Variants in ADGRF5 observed in about 807,000 individuals in gnomAD.
ADGRF5 encodes the protein adhesion G protein-coupled receptor F5.
A neutral mutation model predicts 132.3 loss-of-function variants in ADGRF5; 75 were observed. The observed-to-expected ratio is 0.57, with a 90% confidence interval of 0.47 to 0.69. ADGRF5 has a LOEUF of 0.69. ADGRF5 is among the 30% of genes least tolerant of loss of function. ADGRF5 has a pLI of 0.00. For synonymous variants in ADGRF5, 629 were observed against 597.6 expected (o/e 1.05, Z -0.77); for missense variants, 1,516 against 1,630.6 (o/e 0.93, Z 1.21).
intron 2 of ADGRF5, among the ~76,000 whole-genome samples, chr6:46,901,669 C>T (rs934823017): frequency 1.3e-5 from 2 of 152,152 alleles, no homozygotes; most frequent in Admixed American, 1.3e-4. Context: ...ACCCAGCCAG[C>T]TCCAGAGTCT....
At chr6:46,918,738 A>T (rs977444148) in intron 1 of ADGRF5, among the ~76,000 whole-genome samples, 1 of 152,206 alleles carries the variant, frequency 6.6e-6, no homozygotes, top group Non-Finnish European at 1.5e-5. Context: ...TCTCCTCTTC[A>T]TTCTGATGTG....
At chr6:46,928,730 G>A (rs1777385589) in intron 1 of ADGRF5, among the ~76,000 whole-genome samples, 1 of 152,064 alleles carries the variant, frequency 6.6e-6, no homozygotes, top group South Asian at 2.1e-4. Context: ...TTCTTCCCAA[G>A]GAGGACTAAA....
At chr6:46,869,258 T>C (rs515866) in intron 11 of ADGRF5, 166 bp from the exon 12 acceptor site, 1,389,330 of 1,452,020 alleles carry the variant, frequency 0.96, 666,961 homozygotes, top group East Asian at 1. Flanking sequence ...TTGCTGCTCC[T>C]GGGCTTTACT....
Position 46,882,068 on chromosome 6 carries a change from C to T in ADGRF5, c.652G>A (p.Val218Met), listed in dbSNP as rs768051363. 100 of 1,610,014 alleles carry T rather than the reference C, an allele frequency of 6.2e-5. No homozygotes were observed. The highest frequency in any genetic ancestry group is 7.1e-5 in the Non-Finnish European group (84 of 1,176,516). ...GYGILPGFKGVTVTGFKSGSV... is the reference protein window; with the variant it reads ...GYGILPGFKGMTVTGFKSGSV... ...TCTTACTTGAACCCTGTCACAGTCA[C>T]GCCCTTGAAGCCTGGTAAAATTCCG... The change falls in exon 7 of 21, where the codon GTG (valine) becomes ATG (methionine). Residue 218 changes from valine (V) to methionine (M), a missense_variant. Coordinates refer to ENST00000283296, the MANE Select transcript of ADGRF5 (RefSeq NM_001098518.2).
chr6:46,876,636 C>T (rs1771687081), intron 10 of ADGRF5, among the ~76,000 whole-genome samples: 1 of 152,200 alleles, frequency 6.6e-6, no homozygotes, highest in African/African-American at 2.4e-5. Context: ...CAGAGTCTCA[C>T]TCTGTCACCC....
chr6:46,941,432 AAAAG>A (rs1778068014), intron 1 of ADGRF5, among the ~76,000 whole-genome samples: 3 of 74,382 alleles, frequency 4.0e-5, no homozygotes, highest in African/African-American at 1.6e-4. Context: ...AAAAGAAAAG[AAAAG>A]AAAAGAAAAG....
chr6:46,920,014 C>T (rs947391666), intron 1 of ADGRF5, among the ~76,000 whole-genome samples: 16 of 152,078 alleles, frequency 1.1e-4, no homozygotes, highest in Non-Finnish European at 1.5e-4. Flanking sequence ...GAAAATGAAC[C>T]GATCTGTTAA....
chr6:46,885,297 G>C (rs1562191158), intron 4 of ADGRF5, among the ~76,000 whole-genome samples: 2 of 151,926 alleles, frequency 1.3e-5, no homozygotes, highest in Non-Finnish European at 2.9e-5. Context: ...GACAGCACTG[G>C]TTGATAGATT....
chr6:46,885,177 A>T (rs1389231341), intron 4 of ADGRF5, among the ~76,000 whole-genome samples: 2 of 148,332 alleles, frequency 1.3e-5, no homozygotes, highest in Non-Finnish European at 3.0e-5. Context: ...CCTGGGCAAC[A>T]AAGTGAGACC....
At chr6:46,889,292 T>A (rs1054928348) in intron 3 of ADGRF5, among the ~76,000 whole-genome samples, 1 of 145,084 alleles carries the variant, frequency 6.9e-6, no homozygotes, top group Admixed American at 6.9e-5. Context: ...ATAGTATATA[T>A]AGTACAGTAT....
Position 46,858,485 on chromosome 6 carries a change from G to C in ADGRF5, c.3418C>G (p.Leu1140Val). 6.2e-7 allele frequency: 1 copy of C among 1,613,918 alleles called. No individual in the cohort carries two copies. The highest frequency in any genetic ancestry group is 8.5e-7 in the Non-Finnish European group (1 of 1,179,828). The part of the protein sequence containing the change: ...IAFCLGYGCP[L>V]AISVITLGAT... ...CCCAGCGTGATGACCGAGATGGCAAGTGGGCAGCCATAGCCAAGACAGAAG... is the reference window on the plus strand; with the variant it reads ...CCCAGCGTGATGACCGAGATGGCAACTGGGCAGCCATAGCCAAGACAGAAG... Residue 1140 changes from leucine to valine, a missense_variant, in exon 17 of 21, where the codon CTT becomes GTT. Transcript: ENST00000283296.
chr6:46,940,275 C>T (rs1033232975), intron 1 of ADGRF5, among the ~76,000 whole-genome samples: 2 of 152,100 alleles, frequency 1.3e-5, no homozygotes, highest in Admixed American at 6.6e-5. Context: ...CTTTTCACAT[C>T]GATCTTTTAC....
At chr6:46,889,710 CTATA>C (rs1183834102) in intron 3 of ADGRF5, among the ~76,000 whole-genome samples, 2 of 145,424 alleles carry the variant, frequency 1.4e-5, no homozygotes, top group African/African-American at 2.5e-5. Flanking sequence ...CTAGTCTAGT[CTATA>C]TATATAGTCT....
At chr6:46,911,834 G>A (rs1222182367) in intron 1 of ADGRF5, among the ~76,000 whole-genome samples, 1 of 152,114 alleles carries the variant, frequency 6.6e-6, no homozygotes, top group Non-Finnish European at 1.5e-5. Context: ...AACGGTCCCT[G>A]TCTCCATGAA....
intron 10 of ADGRF5, among the ~76,000 whole-genome samples, chr6:46,873,655 T>A (rs1771334913): frequency 6.6e-6 from 1 of 152,106 alleles, no homozygotes; most frequent in Admixed American, 6.5e-5. Context: ...CTAGTATAGC[T>A]CAAATTTGGA....
chr6:46,920,960 T>C (rs546633721), intron 1 of ADGRF5, among the ~76,000 whole-genome samples: 1 of 152,182 alleles, frequency 6.6e-6, no homozygotes, highest in Non-Finnish European at 1.5e-5. Context: ...TAACCTACAT[T>C]GAAAAACCAA....
At position 46,866,934 on chromosome 6, in the gene ADGRF5, G is replaced by A. The variant is rs777345799; in HGVS notation, c.1825C>T (p.Leu609Phe). ...KVTFHTGSSSLPAAKEVNKKQ... is the reference protein window; with the variant it reads ...KVTFHTGSSSFPAAKEVNKKQ... ...GCAATCAGCATCTTACCAGCAGGAA[G>A]GGATGAGGAACCCGTATGGAAAGTA... The change falls in exon 13 of 21, where the codon CTT becomes TTT. Residue 609 changes from leucine (L) to phenylalanine (F), a missense_variant. Transcript: ENST00000283296. 3.1e-6 allele frequency: 5 copies of A among 1,596,060 alleles called. No homozygotes were observed. The highest frequency in any genetic ancestry group is 1.3e-5 in the African/African-American group (1 of 74,666).
At chr6:46,890,695 C>T (rs928291008) in intron 3 of ADGRF5, among the ~76,000 whole-genome samples, 14 of 151,550 alleles carry the variant, frequency 9.2e-5, no homozygotes, top group Admixed American at 5.9e-4. Context: ...CCAGCCTGGG[C>T]GGCGAGAGAC....
chr6:46,927,491 T>C (rs1286179234), intron 1 of ADGRF5, among the ~76,000 whole-genome samples: 1 of 152,078 alleles, frequency 6.6e-6, no homozygotes, highest in Non-Finnish European at 1.5e-5. Context: ...CACCAACACA[T>C]GCATTCCCAT....
Sources: allele counts gnomAD v4.1 joint callset (sites outside exome capture counted in the v4.1 genomes callset), GRCh38; gene constraint gnomAD v4.1.1; transcripts MANE v1.5; gene names NCBI Gene and HGNC (gene_info 2026-07-23, HGNC 2026-07-21).